The following RNF220 variants were observed in gnomAD, a reference collection of about 807,000 sequenced individuals.
RNF220 encodes E3 ubiquitin-protein ligase RNF220.
In RNF220, 7 loss-of-function variants were observed where a neutral mutation model predicts 67.1. That is an observed-to-expected ratio of 0.10 (90% CI 0.06 to 0.20). The LOEUF (loss-of-function observed/expected upper bound fraction) is 0.20, where lower values mean the gene tolerates loss of function less well. RNF220 is among the 10% of genes least tolerant of loss of function. The pLI is 1.00. For missense variants in RNF220, 565 were observed against 740.3 expected, an observed-to-expected ratio of 0.76 and a Z score of 2.75; for synonymous variants, 270 against 283.2, an observed-to-expected ratio of 0.95 and a Z score of 0.47.
Position 44,494,855 on chromosome 1 carries a change from A to T in RNF220, c.625+82133A>T, listed in dbSNP as rs112166320. Among the ~76,000 whole-genome samples the T allele has an allele frequency of 5.0e-3, 763 of 152,316 alleles. 8 individuals are homozygous for T. The highest frequency in any genetic ancestry group is 0.017 in the African/African-American group (720 of 41,558). On this transcript the variant is annotated intron_variant, in intron 2 of 14. Transcript: ENST00000361799. ...AAACAAATCTCTAACTTGTCTTTTA[A>T]AAAGAAGAATCACTTCACAATGAAA...
At chr1:44,478,019 C>G (rs950356271) in intron 2 of RNF220, among the ~76,000 whole-genome samples, 1 of 152,210 alleles carries the variant, frequency 6.6e-6, no homozygotes, top group Non-Finnish European at 1.5e-5. Flanking sequence ...CGCTCTGTCA[C>G]CCAGGCTGGA....
At chr1:44,537,411 T>A (rs1215945384) in intron 2 of RNF220, among the ~76,000 whole-genome samples, 3 of 152,128 alleles carry the variant, frequency 2.0e-5, no homozygotes, top group Non-Finnish European at 4.4e-5. Context: ...CCTTTCAGAA[T>A]GTATTGAAAG....
In RNF220 at chr1:44,500,859, C is replaced by T. The variant is rs533647814; in HGVS notation, c.625+88137C>T. On this transcript the variant is annotated intron_variant, in intron 2 of 14. Transcript: ENST00000361799. Reference sequence around the variant, plus strand: ...AAATAAGGGAGCCAGCTTTGGTCTGCGGCTCCAGGTCCACCCTGGAGTCCA... The same window carrying T: ...AAATAAGGGAGCCAGCTTTGGTCTGTGGCTCCAGGTCCACCCTGGAGTCCA... Among the ~76,000 whole-genome samples the T allele has an allele frequency of 1.4e-4, 21 of 152,266 alleles. No homozygotes were observed. The South Asian group carries it at 3.3e-3, about 24-fold the overall frequency.
chr1:44,589,338 GGC>G (rs1203061806), intron 2 of RNF220, among the ~76,000 whole-genome samples: 1 of 152,138 alleles, frequency 6.6e-6, no homozygotes, highest in Non-Finnish European at 1.5e-5. Flanking sequence ...CTCCTGGCCG[GGC>G]GTGGTGGCTC....
chr1:44,547,986 C>A (rs968595849), intron 2 of RNF220, among the ~76,000 whole-genome samples: 1 of 152,124 alleles, frequency 6.6e-6, no homozygotes, highest in East Asian at 1.9e-4. Context: ...CACATCAACT[C>A]GCAACTTGTT....
Position 44,412,873 on chromosome 1 carries a change from T to C in RNF220, c.625+151T>C. ...GCTGTGGAGTGCTAACCTTTGCTTG[T>C]CTCTTATCAGTGAGCACTGATAGTT... On this transcript the variant is annotated intron_variant, in intron 2 of 14. Transcript: ENST00000361799. The surrounding 1 kb of genome is among the most constrained non-coding windows in gnomAD (Gnocchi z 5.3). 3.3e-6 allele frequency: 3 copies of C among 919,700 alleles called. No individual in the cohort carries two copies. The highest frequency in any genetic ancestry group is 4.9e-6 in the Non-Finnish European group (3 of 607,424). The allele number at this position is 919,700 out of a possible 1,614,324, so 57.0% of individuals were successfully genotyped here. A position where few individuals can be genotyped will look rare whatever the true frequency, so the allele number is the denominator to read the frequency against.
intron 3 of RNF220, among the ~76,000 whole-genome samples, chr1:44,620,944 T>G (rs1206583781): frequency 6.8e-6 from 1 of 147,878 alleles, no homozygotes; most frequent in African/African-American, 2.5e-5. Context: ...AGACAAAGTC[T>G]CACTCTTGTT....
At chr1:44,437,150 C>T (rs1233236121) in intron 2 of RNF220, among the ~76,000 whole-genome samples, 4 of 152,158 alleles carry the variant, frequency 2.6e-5, no homozygotes, top group African/African-American at 7.2e-5. Context: ...TGGAATAGCA[C>T]GCTTTGGGAG....
chr1:44,642,463 C>T (rs1470562503), intron 8 of RNF220, among the ~76,000 whole-genome samples: 1 of 152,186 alleles, frequency 6.6e-6, no homozygotes, highest in Non-Finnish European at 1.5e-5. Flanking sequence ...CTGAGTCAGA[C>T]TTGCCAAAGG....
intron 2 of RNF220, among the ~76,000 whole-genome samples, chr1:44,535,151 T>C (rs1219520426): frequency 6.8e-6 from 1 of 147,018 alleles, no homozygotes; most frequent in East Asian, 2.0e-4. Flanking sequence ...TTTTTTTTTT[T>C]TTTTTTTGAG....
At chr1:44,456,479 C>T (rs1653192212) in intron 2 of RNF220, among the ~76,000 whole-genome samples, 1 of 152,092 alleles carries the variant, frequency 6.6e-6, no homozygotes, top group Admixed American at 6.5e-5. Context: ...TAAAAAGTTG[C>T]ACTATTTAAG....
At chr1:44,433,723 C>T (rs1650656258) in intron 2 of RNF220, among the ~76,000 whole-genome samples, 1 of 152,128 alleles carries the variant, frequency 6.6e-6, no homozygotes, top group African/African-American at 2.4e-5. Flanking sequence ...GTAATCCCAC[C>T]ACTTTGGGAG....
chr1:44,531,288 C>T (rs920262289), intron 2 of RNF220, among the ~76,000 whole-genome samples: 1 of 152,236 alleles, frequency 6.6e-6, no homozygotes, highest in Admixed American at 6.5e-5. Flanking sequence ...TGCAGCTCAT[C>T]TTCCCCTAAA....
intron 2 of RNF220, among the ~76,000 whole-genome samples, chr1:44,522,878 C>G (rs758275895): frequency 1.3e-5 from 2 of 152,208 alleles, no homozygotes; most frequent in South Asian, 4.1e-4. Context: ...ACTGTGTGTG[C>G]ATGCATGCAT....
chr1:44,594,346 C>T (rs1666324431), intron 2 of RNF220, among the ~76,000 whole-genome samples: 1 of 152,094 alleles, frequency 6.6e-6, no homozygotes, highest in Non-Finnish European at 1.5e-5. Flanking sequence ...GCACTTGGGA[C>T]TGGGCTAATG....
intron 2 of RNF220, among the ~76,000 whole-genome samples, chr1:44,438,361 G>A (rs182041344): frequency 6.6e-6 from 1 of 152,172 alleles, no homozygotes. Context: ...GGGCTCAAGC[G>A]ATCTTCCTTC....
At chr1:44,472,682 G>A (rs10890305) in intron 2 of RNF220, among the ~76,000 whole-genome samples, 34,574 of 152,088 alleles carry the variant, frequency 0.23, 4,302 homozygotes, top group East Asian at 0.49. Context: ...TCAGCCTTCC[G>A]GTCCAACAGC....
intron 7 of RNF220, chr1:44,635,800 C>G: frequency 5.3e-6 from 7 of 1,327,652 alleles, no homozygotes; most frequent in Non-Finnish European, 7.1e-6. Flanking sequence ...GACCACTGCT[C>G]TCTCCTTTTG....
At chr1:44,573,293 A>G (rs1664579914) in intron 2 of RNF220, among the ~76,000 whole-genome samples, 1 of 152,208 alleles carries the variant, frequency 6.6e-6, no homozygotes, top group Non-Finnish European at 1.5e-5. Context: ...ATGGGGATCC[A>G]TTGAAGGCTT....
Sources: allele counts gnomAD v4.1 joint callset (sites outside exome capture counted in the v4.1 genomes callset), GRCh38; gene constraint gnomAD v4.1.1; non-coding constraint Gnocchi (gnomAD v3.1); transcripts MANE v1.5; gene names NCBI Gene and HGNC (gene_info 2026-07-23, HGNC 2026-07-21).